EPM2A: variants seen among roughly 807,000 people sequenced by gnomAD.
The protein encoded by EPM2A is laforin.
A neutral mutation model predicts 26.5 loss-of-function variants in EPM2A; 21 were observed. The ratio of observed to expected loss-of-function variants is 0.79; its 90% CI spans 0.56 to 1.14. The LOEUF (loss-of-function observed/expected upper bound fraction) is 1.14. Ranked by LOEUF, EPM2A falls within the 50% of genes most tolerant of loss-of-function variation. The pLI is 0.00. For missense variants in EPM2A, 458 were observed against 440.8 expected (o/e 1.04, Z -0.35); for synonymous variants, 217 against 177.6 (o/e 1.22, Z -1.76).
chr6:145,423,809 C>T (rs954258615), intron 4 of EPM2A, among the ~76,000 whole-genome samples: 1 of 152,140 alleles, frequency 6.6e-6, no homozygotes, highest in South Asian at 2.1e-4. Context: ...CCCCCAGTCT[C>T]CCAAGTGGAG....
At chr6:145,659,456 A>G (rs1163880885) in intron 2 of EPM2A, among the ~76,000 whole-genome samples, 6 of 152,238 alleles carry the variant, frequency 3.9e-5, no homozygotes, top group Non-Finnish European at 8.8e-5. Context: ...AATATGAGGT[A>G]AATACAATTT....
chr6:145,396,448 A>T (rs1333258182), intron 4 of EPM2A, among the ~76,000 whole-genome samples: 3 of 152,228 alleles, frequency 2.0e-5, no homozygotes, highest in African/African-American at 7.2e-5. Flanking sequence ...ATCCAATTGT[A>T]CCCAGCACTC....
At chr6:145,420,091 T>A (rs1389724950) in intron 4 of EPM2A, among the ~76,000 whole-genome samples, 1 of 152,136 alleles carries the variant, frequency 6.6e-6, no homozygotes, top group Admixed American at 6.6e-5. Context: ...AAATTAAATA[T>A]TTATAATGAA....
intron 2 of EPM2A, among the ~76,000 whole-genome samples, chr6:145,655,556 T>C (rs976895928): frequency 1.3e-5 from 2 of 152,146 alleles, no homozygotes; most frequent in African/African-American, 4.8e-5. Context: ...TGTTTTTATA[T>C]TTACAAAACA....
Position 145,625,628 on chromosome 6 carries a change from T to G in EPM2A, c.*1788A>C, listed in dbSNP as rs149351552. On this transcript the variant is annotated 3_prime_UTR_variant, in exon 4 of 4. Coordinates refer to ENST00000367519, the MANE Select transcript of EPM2A (RefSeq NM_005670.4). ...CCTGAATACCAATTATTACCTCTAG[T>G]TATTTTTAGCAAGGGAGCTGGACTT... 1,705 of 720,058 alleles carry G rather than the reference T, an allele frequency of 2.4e-3. 6 individuals carry two copies. The highest frequency in any genetic ancestry group is 5.5e-3 in the Middle Eastern group (24 of 4,370). The allele number at this position is 720,058 out of a possible 1,614,324, so 44.6% of individuals were successfully genotyped here.
chr6:145,496,245 A>C (rs574237830), intron 4 of EPM2A, among the ~76,000 whole-genome samples: 136 of 151,802 alleles, frequency 9.0e-4, no homozygotes, highest in Non-Finnish European at 1.5e-3. Context: ...TGTTTCTTTC[A>C]TTTTGACCTT....
intron 2 of EPM2A, among the ~76,000 whole-genome samples, chr6:145,559,692 T>TA (rs78930584): frequency 8.7e-4 from 125 of 143,030 alleles, no homozygotes; most frequent in East Asian, 3.2e-3. Flanking sequence ...TTTTTTTTTT[T>TA]AAAATGGTGC....
intron 2 of EPM2A, among the ~76,000 whole-genome samples, chr6:145,649,701 C>T (rs1777737274): frequency 6.6e-6 from 1 of 152,154 alleles, no homozygotes; most frequent in African/African-American, 2.4e-5. Context: ...TTCAGTCTTC[C>T]ACCTATTTTT....
At chr6:145,608,537 G>A (rs191393821) in intron 2 of EPM2A, among the ~76,000 whole-genome samples, 6 of 152,036 alleles carry the variant, frequency 3.9e-5, no homozygotes, top group Admixed American at 1.3e-4. Flanking sequence ...TCAAGATCCC[G>A]GTAAATGAGA....
chr6:145,677,934 A>C (rs1320372136), intron 2 of EPM2A, among the ~76,000 whole-genome samples: 1 of 152,224 alleles, frequency 6.6e-6, no homozygotes, highest in Non-Finnish European at 1.5e-5. Context: ...ACTACTTTGA[A>C]GTTCATATGG....
In EPM2A at chr6:145,627,380, A is replaced by G. The variant is rs761037274; in HGVS notation, c.*36T>C. 32 of 1,612,942 alleles carry G rather than the reference A, an allele frequency of 2.0e-5. 1 individual carries two copies. The South Asian group carries it at 3.3e-4, about 17-fold the overall frequency. On this transcript the variant is annotated 3_prime_UTR_variant, in exon 4 of 4. Transcript: ENST00000367519. ...TGACCAACATCATCCCAGGCTCCTT[A>G]GGGAAATCAGGAGGGGGCAGAAGCA...
intron 1 of EPM2A, among the ~76,000 whole-genome samples, chr6:145,717,778 T>C (rs993070970): frequency 1.3e-5 from 2 of 150,336 alleles, no homozygotes; most frequent in African/African-American, 4.9e-5. Context: ...AGTCTCAGGA[T>C]ACAAAATCAA....
At chr6:145,683,866 A>G (rs1452746218) in intron 2 of EPM2A, among the ~76,000 whole-genome samples, 1 of 152,182 alleles carries the variant, frequency 6.6e-6, no homozygotes, top group Non-Finnish European at 1.5e-5. Flanking sequence ...TATGACAGCC[A>G]TATACAACAA....
intron 2 of EPM2A, among the ~76,000 whole-genome samples, chr6:145,602,581 T>C (rs898305529): frequency 4.6e-5 from 7 of 152,208 alleles, no homozygotes; most frequent in African/African-American, 1.7e-4. Flanking sequence ...CTCAGTACCA[T>C]GGGCAACAGG....
intron 2 of EPM2A, among the ~76,000 whole-genome samples, chr6:145,571,195 A>T (rs1382123662): frequency 3.3e-5 from 5 of 152,124 alleles, no homozygotes; most frequent in Non-Finnish European, 7.4e-5. Context: ...ACTGTTCCAT[A>T]TATTGGATGC....
chr6:145,637,169 T>A (rs1195340625), intron 2 of EPM2A: 3 of 152,238 alleles, frequency 2.0e-5, no homozygotes, highest in Non-Finnish European at 4.4e-5. Context: ...ATTTACTTAT[T>A]TTTGTAATTT....
chr6:145,703,173 G>C (rs1019106792), intron 1 of EPM2A, among the ~76,000 whole-genome samples: 9 of 148,116 alleles, frequency 6.1e-5, no homozygotes, highest in Admixed American at 2.7e-4. Flanking sequence ...CTCACTGCAA[G>C]CTCTGCCTCC....
chr6:145,458,646 G>T (rs893583307), intron 4 of EPM2A, among the ~76,000 whole-genome samples: 13 of 151,928 alleles, frequency 8.6e-5, no homozygotes, highest in African/African-American at 2.9e-4. Context: ...GGAAATGGGA[G>T]TCATCTAATT....
Position 145,708,391 on chromosome 6 carries a change from G to GA in EPM2A, c.302-22096dup, listed in dbSNP as rs1037598915. ...CATCACAGGCCTGGAGAAGCAGGAG[G>GA]AAAAAATGGCTTCCTGGGCTGGGCC... On this transcript the variant is annotated intron_variant, in intron 1 of 3. Coordinates refer to ENST00000367519, the MANE Select transcript of EPM2A (RefSeq NM_005670.4). Among the ~76,000 whole-genome samples the GA allele has an allele frequency of 1.6e-4, 24 of 152,188 alleles. No individual in the cohort carries two copies. The South Asian group carries it at 2.3e-3, about 14-fold the overall frequency.
Sources: gnomAD v4.1 joint callset for allele counts (sites outside exome capture counted in the v4.1 genomes callset) on GRCh38, gnomAD v4.1.1 for gene constraint, MANE v1.5 for transcripts, NCBI Gene and HGNC (gene_info 2026-07-23, HGNC 2026-07-21) for gene names.